Variants in PCDH7 observed in about 807,000 individuals in gnomAD.
PCDH7 encodes the protein protocadherin-7.
A neutral mutation model predicts 58.9 loss-of-function variants in PCDH7; 17 were observed. The observed-to-expected ratio is 0.29, with a 90% confidence interval of 0.20 to 0.43. The LOEUF (loss-of-function observed/expected upper bound fraction) is 0.43. Ranked by LOEUF, PCDH7 falls within the 20% of genes least tolerant of loss-of-function variation. The pLI is 1.00. For missense variants in PCDH7, 1,274 were observed against 1,441.0 expected (o/e 0.88, Z 1.88); for synonymous variants, 664 against 616.4 (o/e 1.08, Z -1.14).
At chr4:30,961,733 C>A (rs1012494914) in intron 3 of PCDH7, among the ~76,000 whole-genome samples, 2 of 152,086 alleles carry the variant, frequency 1.3e-5, no homozygotes, top group Non-Finnish European at 2.9e-5. Flanking sequence ...TTAATACAGA[C>A]TTCATTTGCA....
At chr4:30,982,108 TGTTA>T (rs1750624087) in intron 3 of PCDH7, among the ~76,000 whole-genome samples, 1 of 152,240 alleles carries the variant, frequency 6.6e-6, no homozygotes, top group Admixed American at 6.5e-5. Flanking sequence ...ATAATGTATA[TGTTA>T]GTTAGCTCAA....
intron 3 of PCDH7, among the ~76,000 whole-genome samples, chr4:31,097,600 A>G (rs1395793901): frequency 4.9e-5 from 2 of 40,822 alleles, no homozygotes; most frequent in South Asian, 9.1e-4. Context: ...ATATATATAT[A>G]TATATATATA....
chr4:31,003,289 T>C (rs1442996134), intron 3 of PCDH7, among the ~76,000 whole-genome samples: 1 of 152,128 alleles, frequency 6.6e-6, no homozygotes, highest in African/African-American at 2.4e-5. Context: ...TCTTAAGTAG[T>C]AGCATCTTAC....
intron 1 of PCDH7, among the ~76,000 whole-genome samples, chr4:30,778,222 A>G: frequency 6.6e-6 from 1 of 152,186 alleles, no homozygotes; most frequent in South Asian, 2.1e-4. Context: ...TTTGTAGCAC[A>G]TAAAATCCTT....
At chr4:31,007,168 G>T (rs911532309) in intron 3 of PCDH7, among the ~76,000 whole-genome samples, 2 of 152,124 alleles carry the variant, frequency 1.3e-5, no homozygotes, top group Non-Finnish European at 2.9e-5. Context: ...AAGCTGTCTG[G>T]CTTGGAGAAT....
At chr4:31,134,075 T>G (rs1291663292) in intron 3 of PCDH7, among the ~76,000 whole-genome samples, 1 of 152,162 alleles carries the variant, frequency 6.6e-6, no homozygotes, top group Non-Finnish European at 1.5e-5. Context: ...ACTTCTTAAT[T>G]AAATGTGCTT....
At chr4:30,786,801 G>A in intron 1 of PCDH7, 1 of 965,118 alleles carries the variant, frequency 1.0e-6, no homozygotes, top group Non-Finnish European at 1.2e-6. Context: ...GTGCTCGTAA[G>A]TGAAATATAT....
In PCDH7 at chr4:30,914,333, T is replaced by G. The variant is rs531462816; in HGVS notation, c.71-5820T>G. Among the ~76,000 whole-genome samples, 12 of 152,280 alleles carry G rather than the reference T, an allele frequency of 7.9e-5. No individual in the cohort carries two copies. The South Asian group carries it at 2.3e-3, about 29-fold the overall frequency. ...AATATATTTGTAACAAACTCTAAAA[T>G]GTCTGAGTAGTACCTATAGGAGGGT... On this transcript the variant is annotated intron_variant, in intron 1 of 3. Coordinates refer to the PCDH7 transcript ENST00000509759.
At chr4:30,745,932 C>T (rs1260900067) in intron 1 of PCDH7, among the ~76,000 whole-genome samples, 2 of 152,068 alleles carry the variant, frequency 1.3e-5, no homozygotes, top group Non-Finnish European at 2.9e-5. Flanking sequence ...CTCTGCCTCC[C>T]AGGTTCAAGT....
chr4:31,053,700 C>T (rs1217542892), intron 3 of PCDH7, among the ~76,000 whole-genome samples: 2 of 152,184 alleles, frequency 1.3e-5, no homozygotes, highest in African/African-American at 4.8e-5. Flanking sequence ...GGTACACTCA[C>T]TCACTGTTCG....
At chr4:31,129,710 G>A (rs1272900341) in intron 3 of PCDH7, among the ~76,000 whole-genome samples, 2 of 152,038 alleles carry the variant, frequency 1.3e-5, no homozygotes, top group East Asian at 1.9e-4. Context: ...TCGGCTCACT[G>A]CAACCTCCAC....
chr4:30,960,056 TATAG>T (rs1560535045), intron 3 of PCDH7, among the ~76,000 whole-genome samples: 1 of 143,842 alleles, frequency 7.0e-6, no homozygotes, highest in Non-Finnish European at 1.5e-5. Context: ...GCAGAAATTA[TATAG>T]ATAGTTAGAA....
intron 3 of PCDH7, among the ~76,000 whole-genome samples, chr4:31,039,534 C>T (rs1179823374): frequency 6.6e-6 from 1 of 152,102 alleles, no homozygotes; most frequent in Non-Finnish European, 1.5e-5. Context: ...GTAGCTGGGA[C>T]TACAGGCACA....
intron 3 of PCDH7, among the ~76,000 whole-genome samples, chr4:30,982,556 C>T (rs1375830971): frequency 6.6e-6 from 1 of 152,204 alleles, no homozygotes; most frequent in Admixed American, 6.5e-5. Flanking sequence ...GCTGGCATCT[C>T]CCCTCAGACT....
At chr4:30,878,003 C>G (rs1736500447) in intron 1 of PCDH7, among the ~76,000 whole-genome samples, 1 of 152,056 alleles carries the variant, frequency 6.6e-6, no homozygotes, top group African/African-American at 2.4e-5. Context: ...TATAGATAGG[C>G]TTATATCAGA....
chr4:30,749,314 A>G (rs189875096), intron 1 of PCDH7, among the ~76,000 whole-genome samples: 22 of 152,320 alleles, frequency 1.4e-4, no homozygotes, highest in Admixed American at 1.2e-3. Context: ...CATGGCTGAC[A>G]TCATTTCTTA....
Position 31,123,978 on chromosome 4 carries a change from T to C in PCDH7, c.*8-18495T>C, listed in dbSNP as rs116468889. 5.3e-3 allele frequency among the ~76,000 whole-genome samples: 801 copies of C among 152,234 alleles called. 8 individuals are homozygous for C. The highest frequency in any genetic ancestry group is 0.018 in the African/African-American group (749 of 41,544). ...CTTCTCCTCTCAACGTCCAGATGCT[T>C]CTTCTCTTCTTTCCTTCTCTGCCAT... On this transcript the variant is annotated intron_variant, in intron 3 of 3. Coordinates refer to the PCDH7 transcript ENST00000509759.
At chr4:30,784,609 T>C (rs1723174936) in intron 1 of PCDH7, among the ~76,000 whole-genome samples, 1 of 152,128 alleles carries the variant, frequency 6.6e-6, no homozygotes, top group Admixed American at 6.5e-5. Context: ...ACACCTATAA[T>C]TTCCTATTTT....
chr4:31,027,310 T>G lies in PCDH7; in HGVS notation c.*7+77095T>G, dbSNP rs559172155. 2.0e-5 allele frequency among the ~76,000 whole-genome samples: 3 copies of G among 152,364 alleles called. No individual in the cohort carries two copies. The East Asian group carries it at 5.8e-4, about 29-fold the overall frequency. ...TGCATTTGATCAGACACCTTAGTTG[T>G]TTGCTTGATACAGAACCCTTCACTA... On this transcript the variant is annotated intron_variant, in intron 3 of 3. Transcript: ENST00000509759.
Sources: allele counts gnomAD v4.1 joint callset (sites outside exome capture counted in the v4.1 genomes callset), GRCh38; gene constraint gnomAD v4.1.1; transcripts MANE v1.5; gene names NCBI Gene and HGNC (gene_info 2026-07-23, HGNC 2026-07-21).